PHF3: variants seen among roughly 807,000 people sequenced by gnomAD.
The protein encoded by PHF3 is PHD finger protein 3.
Under a neutral mutation model 178.4 loss-of-function variants are expected in PHF3, and 41 were observed. The ratio of observed to expected loss-of-function variants is 0.23; its 90% CI spans 0.18 to 0.30. PHF3 has a LOEUF of 0.30. Ranked by LOEUF, PHF3 falls within the 10% of genes least tolerant of loss-of-function variation. The pLI is 1.00. For synonymous variants in PHF3, 842 were observed against 800.5 expected (o/e 1.05, Z -0.88); for missense variants, 2,346 against 2,398.1 (o/e 0.98, Z 0.45).
At chr6:63,691,649 A>G in intron 4 of PHF3, 88 bp from the exon 5 acceptor site, 1 of 1,105,328 alleles carries the variant, frequency 9.0e-7, no homozygotes, top group Non-Finnish European at 1.3e-6. Flanking sequence ...AGAAAATCAG[A>G]TATTGAAAAT....
intron 2 of PHF3, among the ~76,000 whole-genome samples, chr6:63,663,785 AG>A (rs1403475819): frequency 6.6e-6 from 1 of 152,112 alleles, no homozygotes; most frequent in Non-Finnish European, 1.5e-5. Flanking sequence ...CAGGGACCCA[AG>A]CTCCTTCTAC....
rs150209519 is a variant in PHF3 at position 63,722,925 on chromosome 6, G to C, written c.*9217G>C. Reference sequence around the variant, plus strand: ...GAATTTTTAGTGAGTATACTATGTCGTTACATATGTGATATTTGGTTAACA... The same window carrying C: ...GAATTTTTAGTGAGTATACTATGTCCTTACATATGTGATATTTGGTTAACA... On this transcript the variant is annotated 3_prime_UTR_variant, in exon 16 of 16. Transcript: ENST00000262043. Among the ~76,000 whole-genome samples the C allele has an allele frequency of 6.6e-6, 1 of 152,120 alleles. No individual in the cohort carries two copies. Among genetic ancestry groups the C allele is most frequent in the Non-Finnish European group, 1.5e-5 (1 of 68,016 alleles).
intron 2 of PHF3, among the ~76,000 whole-genome samples, chr6:63,664,139 A>T (rs975015560): frequency 6.6e-6 from 1 of 152,182 alleles, no homozygotes; most frequent in Non-Finnish European, 1.5e-5. Flanking sequence ...TCTATAGTTC[A>T]GTCTGTGAGG....
intron 1 of PHF3, among the ~76,000 whole-genome samples, chr6:63,637,354 T>A (rs1057220577): frequency 2.0e-5 from 3 of 152,186 alleles, no homozygotes; most frequent in African/African-American, 7.2e-5. Context: ...ATTTTTCGAT[T>A]CCTGAATGAA....
In PHF3 at chr6:63,687,645, A is replaced by C. The variant is rs78520208; in HGVS notation, c.2189+1734A>C. 4.4e-3 allele frequency among the ~76,000 whole-genome samples: 668 copies of C among 152,338 alleles called. 7 individuals are homozygous for C. The highest frequency in any genetic ancestry group is 0.015 in the African/African-American group (640 of 41,568). ...TTGGCATAGAGTTGGAAGCCATGTT[A>C]GTAAGTTATAATGTAACGTACTAAC... On this transcript the variant is annotated intron_variant, in intron 4 of 15. Transcript: ENST00000262043.
At chr6:63,704,032 T>A (rs1203058111) in intron 11 of PHF3, among the ~76,000 whole-genome samples, 1 of 152,230 alleles carries the variant, frequency 6.6e-6, no homozygotes, top group East Asian at 1.9e-4. Flanking sequence ...TTTTATTATA[T>A]ATAACATAAG....
chr6:63,717,924 TTTGAGAAA>T lies in PHF3; in HGVS notation c.*4217_*4224del, dbSNP rs1306570518. Among the ~76,000 whole-genome samples, 3 of 152,064 alleles carry T rather than the reference TTTGAGAAA, an allele frequency of 2.0e-5. No individual in the cohort carries two copies. The highest frequency in any genetic ancestry group is 7.2e-5 in the African/African-American group (3 of 41,448). On this transcript the variant is annotated 3_prime_UTR_variant, in exon 16 of 16. Transcript: ENST00000262043. ...AAAATGTTCCGTTTACATTCAACAC[TTTGAGAAA>T]CCTCATACATTTATAGTAAAATCTT... is the stretch of plus-strand genomic sequence containing the variant.
At chr6:63,671,095 T>C (rs1226364981) in intron 2 of PHF3, among the ~76,000 whole-genome samples, 1 of 151,956 alleles carries the variant, frequency 6.6e-6, no homozygotes, top group Non-Finnish European at 1.5e-5. Context: ...TATTATAAGA[T>C]GGTCGAGCTG....
chr6:63,712,462 T>C lies in PHF3; in HGVS notation c.4874T>C (p.Ile1625Thr), dbSNP rs1487769630. ...AGATCTAATGTAGGAAAAGGAAACA[T>C]AGATGGTAATGTGAGCTGTAGTGAA... ...PCRSNVGKGN[I>T]DGNVSCSENL... The change falls in exon 16 of 16, where the codon ATA becomes ACA. Residue 1625 changes from isoleucine to threonine, a missense_variant. Physicochemically the swap from Ile to Thr is moderately conservative, Grantham distance 89. Around this residue, in one of 8 missense-constraint regions of PHF3, gnomAD observed 839 missense variants for 806.9 expected, o/e 1.04. Coordinates refer to ENST00000262043, the MANE Select transcript of PHF3 (RefSeq NM_001370348.2). 3.1e-6 allele frequency: 5 copies of C among 1,613,882 alleles called. No individual in the cohort carries two copies. The highest frequency in any genetic ancestry group is 3.4e-6 in the Non-Finnish European group (4 of 1,179,906).
chr6:63,646,537 C>T lies in PHF3; in HGVS notation c.-15C>T. ...TTTGTCTTTCTATAGGGCTGAAAGA[C>T]ACACAGAAGTCTTCATGGATATAGT... On this transcript the variant is annotated 5_prime_UTR_variant, in exon 2 of 16. Coordinates refer to ENST00000262043, the MANE Select transcript of PHF3 (RefSeq NM_001370348.2). 1 of 1,598,600 alleles carries T rather than the reference C, an allele frequency of 6.3e-7. No individual in the cohort carries two copies. Among genetic ancestry groups the T allele is most frequent in the Non-Finnish European group, 8.5e-7 (1 of 1,170,570 alleles).
chr6:63,721,764 G>T lies in PHF3; in HGVS notation c.*8056G>T. 1 of 1,550,544 alleles carries T rather than the reference G, an allele frequency of 6.4e-7. No homozygotes were observed. The highest frequency in any genetic ancestry group is 8.7e-7 in the Non-Finnish European group (1 of 1,146,358). On this transcript the variant is annotated 3_prime_UTR_variant, in exon 16 of 16. Coordinates refer to ENST00000262043, the MANE Select transcript of PHF3 (RefSeq NM_001370348.2). The stretch of plus-strand genomic sequence containing the variant: ...GCCAAGGTTGTAGCGAAGTTGAACG[G>T]AACTATTTACTAAAGAGATGCATAA...
At position 63,723,602 on chromosome 6, in the gene PHF3, A is replaced by G. The variant is rs1768493125; in HGVS notation, c.*9894A>G. 6.6e-6 allele frequency among the ~76,000 whole-genome samples: 1 copy of G among 152,120 alleles called. No individual in the cohort carries two copies. On this transcript the variant is annotated 3_prime_UTR_variant, in exon 16 of 16. Coordinates refer to ENST00000262043, the MANE Select transcript of PHF3 (RefSeq NM_001370348.2). ...ATGTTGCCAACCAGAAGAAAGAGCA[A>G]GGATAGCTTCTGCGAAGAAAGGATT...
chr6:63,643,114 C>CA (rs201162703), intron 1 of PHF3, among the ~76,000 whole-genome samples: 38 of 151,394 alleles, frequency 2.5e-4, no homozygotes, highest in African/African-American at 8.7e-4. Flanking sequence ...CTGATTTTAC[C>CA]GGTTTTTTTT....
In PHF3 at chr6:63,712,476, A is replaced by T; in HGVS notation, c.4888A>T (p.Ser1630Cys). The part of the protein sequence containing the change: ...VGKGNIDGNV[S>C]CSENLVANTA... Reference sequence around the variant, plus strand: ...AAAAGGAAACATAGATGGTAATGTGAGCTGTAGTGAAAACCTTGTTGCTAA... The same window carrying T: ...AAAAGGAAACATAGATGGTAATGTGTGCTGTAGTGAAAACCTTGTTGCTAA... The change falls in exon 16 of 16, where the codon AGC (serine) becomes TGC (cysteine). Residue 1630 changes from serine to cysteine, a missense_variant. Coordinates refer to ENST00000262043, the MANE Select transcript of PHF3 (RefSeq NM_001370348.2). 1 of 1,613,992 alleles carries T rather than the reference A, an allele frequency of 6.2e-7. No homozygotes were observed. Among genetic ancestry groups the T allele is most frequent in the Non-Finnish European group, 8.5e-7 (1 of 1,179,936 alleles).
chr6:63,721,224 CTG>C lies in PHF3; in HGVS notation c.*7518_*7519del, dbSNP rs1561993866. 1 of 1,551,736 alleles carries C rather than the reference CTG, an allele frequency of 6.4e-7. No homozygotes were observed. The highest frequency in any genetic ancestry group is 8.7e-7 in the Non-Finnish European group (1 of 1,146,956). On this transcript the variant is annotated 3_prime_UTR_variant, in exon 16 of 16. Coordinates refer to ENST00000262043, the MANE Select transcript of PHF3 (RefSeq NM_001370348.2). ...CACCCAACCCAAAGTACACAGGCAA[CTG>C]TAAGAAAATGATTGGTCAGGTATAC... is the stretch of plus-strand genomic sequence containing the variant.
chr6:63,697,776 AAGTC>A (rs1421164330), intron 6 of PHF3, among the ~76,000 whole-genome samples: 2 of 152,182 alleles, frequency 1.3e-5, no homozygotes, highest in African/African-American at 4.8e-5. Context: ...CTGGTATAAT[AAGTC>A]AGAGCAGTGG....
chr6:63,720,548 A>C lies in PHF3; in HGVS notation c.*6840A>C, dbSNP rs1172719980. 7.5e-7 allele frequency: 1 copy of C among 1,339,666 alleles called. No individual in the cohort carries two copies. The highest frequency in any genetic ancestry group is 3.1e-5 in the Admixed American group (1 of 32,550). The allele number at this position is 1,339,666 out of a possible 1,614,324, so 83.0% of individuals were successfully genotyped here. On this transcript the variant is annotated 3_prime_UTR_variant, in exon 16 of 16. Coordinates refer to ENST00000262043, the MANE Select transcript of PHF3 (RefSeq NM_001370348.2). ...CAATGTATCAAAGAAATAACTATCA[A>C]AATAACTGCATTTATGTATAGTGTG...
At chr6:63,701,382 A>G (rs1322093558) in intron 9 of PHF3, among the ~76,000 whole-genome samples, 1 of 152,192 alleles carries the variant, frequency 6.6e-6, no homozygotes, top group Non-Finnish European at 1.5e-5. Flanking sequence ...ACAGATAGCA[A>G]GAATTTTTGT....
chr6:63,682,311 A>G (rs1766473369), intron 3 of PHF3, among the ~76,000 whole-genome samples: 1 of 152,104 alleles, frequency 6.6e-6, no homozygotes, highest in Non-Finnish European at 1.5e-5. Context: ...GGGACCACCA[A>G]GTCTTAAGAC....
Sources: gnomAD v4.1 joint callset for allele counts (sites outside exome capture counted in the v4.1 genomes callset) on GRCh38, gnomAD v4.1.1 for gene constraint, gnomAD v4.1.1 regional missense constraint, MANE v1.5 for transcripts, NCBI Gene and HGNC (gene_info 2026-07-23, HGNC 2026-07-21) for gene names.